DCBLD2: variants seen among roughly 807,000 people sequenced by gnomAD.
The protein encoded by DCBLD2 is discoidin, CUB and LCCL domain containing 2, also known as discoidin, CUB and LCCL domain-containing protein 2.
In DCBLD2, 54 loss-of-function variants were observed where a neutral mutation model predicts 86.8. That is an observed-to-expected ratio of 0.62 (90% CI 0.50 to 0.78). The LOEUF is 0.78. Among genes scored for constraint, DCBLD2 ranks in the 30% least tolerant of loss-of-function variants. DCBLD2 has a pLI of 0.00. For missense variants in DCBLD2, 908 were observed against 954.2 expected (o/e 0.95, Z 0.64); for synonymous variants, 354 against 341.3 (o/e 1.04, Z -0.41).
rs541917016 is a variant in DCBLD2 at position 98,798,637 on chromosome 3, C to A, written c.*735G>T. 6.6e-6 allele frequency: 1 copy of A among 152,268 alleles called. No homozygotes were observed. The highest frequency in any genetic ancestry group is 2.1e-4 in the South Asian group (1 of 4,826). 9.4% of individuals were successfully genotyped at this position (152,268 alleles called of 1,614,324 possible). On this transcript the variant is annotated 3_prime_UTR_variant, in exon 16 of 16. Transcript: ENST00000326840. ...GGGATCTGAATTCATGAGACTAAGG[C>A]AAGCATCACTCATCAGAAATACTCA...
At chr3:98,892,758 A>G (rs574000855) in intron 1 of DCBLD2, among the ~76,000 whole-genome samples, 84 of 152,228 alleles carry the variant, frequency 5.5e-4, no homozygotes, top group African/African-American at 1.9e-3. Context: ...TCCTAACTAA[A>G]ACACTCTTCC....
At chr3:98,825,677 A>ATATATATATATATATT (rs1942206985) in intron 3 of DCBLD2, among the ~76,000 whole-genome samples, 1 of 130,908 alleles carries the variant, frequency 7.6e-6, no homozygotes, top group Non-Finnish European at 1.6e-5. Context: ...ATATATATAT[A>ATATATATATATATATT]TATTTAGAAC....
At position 98,849,217 on chromosome 3, in the gene DCBLD2, T is replaced by TA. The variant is rs201619950; in HGVS notation, c.571+243dup. 5.1e-3 allele frequency among the ~76,000 whole-genome samples: 781 copies of TA among 151,658 alleles called. 7 individuals are homozygous for TA. Among genetic ancestry groups the TA allele is most frequent in the African/African-American group, 0.017 (716 of 41,356 alleles). ...AGCTCGTGTTCCAATCTTATAAAAA[T>TA]AAAAAAAATCAGCATTTCAGCAGTA... On this transcript the variant is annotated intron_variant, in intron 3 of 15. Transcript: ENST00000326840.
At chr3:98,836,612 A>C (rs1576171324) in intron 3 of DCBLD2, among the ~76,000 whole-genome samples, 3 of 140,508 alleles carry the variant, frequency 2.1e-5, no homozygotes, top group Non-Finnish European at 3.2e-5. Flanking sequence ...TGTTGGGCAC[A>C]CCTCCCAGAC....
At chr3:98,881,317 C>T (rs1438412238) in intron 2 of DCBLD2, among the ~76,000 whole-genome samples, 2 of 150,228 alleles carry the variant, frequency 1.3e-5, no homozygotes, top group African/African-American at 4.9e-5. Context: ...AGTACAGTGG[C>T]ATCTTGGGCA....
chr3:98,888,923 A>C (rs548696258), intron 1 of DCBLD2, among the ~76,000 whole-genome samples: 51 of 152,008 alleles, frequency 3.4e-4, no homozygotes, highest in African/African-American at 1.2e-3. Flanking sequence ...AAACTTTAAC[A>C]TCTCGCTCTT....
chr3:98,870,745 GAAAGAAAGAA>G (rs1258851526), intron 2 of DCBLD2, among the ~76,000 whole-genome samples: 4 of 79,606 alleles, frequency 5.0e-5, no homozygotes, highest in Non-Finnish European at 1.1e-4. Context: ...GAAAAAGAAA[GAAAGAAAGAA>G]AGAAAGAAAG....
At chr3:98,838,344 A>G (rs1942524878) in intron 3 of DCBLD2, among the ~76,000 whole-genome samples, 2 of 88,182 alleles carry the variant, frequency 2.3e-5, no homozygotes, top group African/African-American at 7.7e-5. Context: ...GCGGCCGGGC[A>G]GAGACGCTCC....
At chr3:98,896,382 A>C (rs1218206776) in intron 1 of DCBLD2, among the ~76,000 whole-genome samples, 1 of 152,258 alleles carries the variant, frequency 6.6e-6, no homozygotes, top group Non-Finnish European at 1.5e-5. Context: ...CAGAATGAAG[A>C]ATTCAATTAA....
intron 2 of DCBLD2, among the ~76,000 whole-genome samples, chr3:98,853,580 T>C (rs1942878123): frequency 6.6e-6 from 1 of 152,218 alleles, no homozygotes; most frequent in Admixed American, 6.5e-5. Context: ...GTACAGAGTA[T>C]AGAGACCTTA....
chr3:98,857,919 T>C (rs1298004840), intron 2 of DCBLD2, among the ~76,000 whole-genome samples: 2 of 152,258 alleles, frequency 1.3e-5, no homozygotes, highest in African/African-American at 2.4e-5. Flanking sequence ...ACCCAGTGGA[T>C]CCCGCACCGG....
chr3:98,867,795 T>C (rs1038812986), intron 2 of DCBLD2, among the ~76,000 whole-genome samples: 2 of 151,386 alleles, frequency 1.3e-5, no homozygotes, highest in East Asian at 1.9e-4. Flanking sequence ...ACATTTGTTT[T>C]TGTTGTTTTT....
chr3:98,883,219 G>A (rs937240261), intron 1 of DCBLD2, among the ~76,000 whole-genome samples: 3 of 151,900 alleles, frequency 2.0e-5, no homozygotes, highest in Non-Finnish European at 2.9e-5. Flanking sequence ...CATAAATGTC[G>A]AGAAGCTGAA....
intron 9 of DCBLD2, chr3:98,815,960 T>TA (rs141436738): frequency 2.8e-5 from 3 of 106,102 alleles, no homozygotes; most frequent in Admixed American, 1.0e-4. Flanking sequence ...GGGAAATATT[T>TA]GAAAAAAAAA....
intron 3 of DCBLD2, among the ~76,000 whole-genome samples, chr3:98,836,854 G>A (rs1481628061): frequency 1.5e-5 from 1 of 64,590 alleles, no homozygotes; most frequent in African/African-American, 5.8e-5. Flanking sequence ...CGGACGGGGC[G>A]GCTGGCCGGG....
intron 1 of DCBLD2, among the ~76,000 whole-genome samples, chr3:98,886,524 A>G (rs750135533): frequency 6.6e-6 from 1 of 152,040 alleles, no homozygotes; most frequent in Non-Finnish European, 1.5e-5. Context: ...TCCAAACTCC[A>G]TCAGCACTAT....
chr3:98,870,645 A>C (rs760131599), intron 2 of DCBLD2, among the ~76,000 whole-genome samples: 14 of 127,068 alleles, frequency 1.1e-4, no homozygotes, highest in Non-Finnish European at 1.9e-4. Context: ...GGAAGGAAGA[A>C]GAGATAGAGA....
chr3:98,824,694 T>C (rs1942185872), intron 4 of DCBLD2, among the ~76,000 whole-genome samples: 2 of 152,126 alleles, frequency 1.3e-5, no homozygotes, highest in Non-Finnish European at 2.9e-5. Context: ...AAGATGAGAC[T>C]GGAAAAATGG....
At position 98,901,105 on chromosome 3, in the gene DCBLD2, C is replaced by G. The variant is rs1395623064; in HGVS notation, c.205+17G>C. 3.9e-6 allele frequency: 6 copies of G among 1,539,088 alleles called. No homozygotes were observed. The highest frequency in any genetic ancestry group is 5.2e-6 in the Non-Finnish European group (6 of 1,146,574). ...GACGGAGGTTCCCCCGCCGCTCACT[C>G]CCCTGGGACCACTCACCTTGCTGGG... is the stretch of plus-strand genomic sequence containing the variant. On this transcript the variant is annotated intron_variant, in intron 1 of 15. Coordinates refer to ENST00000326840, the MANE Select transcript of DCBLD2 (RefSeq NM_080927.4).
Sources: allele counts gnomAD v4.1 joint callset (sites outside exome capture counted in the v4.1 genomes callset), GRCh38; gene constraint gnomAD v4.1.1; transcripts MANE v1.5; gene names NCBI Gene and HGNC (gene_info 2026-07-23, HGNC 2026-07-21).